CAV1: variants seen among roughly 807,000 people sequenced by gnomAD.
CAV1 encodes caveolin-1.
A neutral mutation model predicts 16.5 loss-of-function variants in CAV1; 10 were observed. That is an observed-to-expected ratio of 0.61 (90% CI 0.37 to 1.03). The LOEUF (loss-of-function observed/expected upper bound fraction) is 1.03. Ranked by LOEUF, CAV1 falls within the 50% of genes least tolerant of loss-of-function variation. The pLI is 0.01. For synonymous variants in CAV1, 76 were observed against 85.1 expected (o/e 0.89, Z 0.59); for missense variants, 212 against 232.8 (o/e 0.91, Z 0.58).
intron 2 of CAV1, among the ~76,000 whole-genome samples, chr7:116,539,694 C>T (rs1793898230): frequency 6.6e-6 from 1 of 151,952 alleles, no homozygotes; most frequent in Non-Finnish European, 1.5e-5. Context: ...GAGGAGGACA[C>T]AAATATATCC....
intron 2 of CAV1, among the ~76,000 whole-genome samples, chr7:116,554,191 A>G (rs1421507158): frequency 6.6e-6 from 1 of 152,166 alleles, no homozygotes; most frequent in African/African-American, 2.4e-5. Flanking sequence ...ACTCCCTTAA[A>G]TACAAAGACC....
In CAV1 at chr7:116,525,934, G is replaced by A. The variant is rs141775930; in HGVS notation, c.31-591G>A. 555 of 723,144 alleles carry A rather than the reference G, an allele frequency of 7.7e-4. 2 individuals are homozygous for A. The highest frequency in any genetic ancestry group is 4.9e-3 in the Middle Eastern group (7 of 1,440). The allele number at this position is 723,144 out of a possible 1,614,324, so 44.8% of individuals were successfully genotyped here. A position where few individuals can be genotyped will look rare whatever the true frequency, so the allele number is the denominator to read the frequency against. Reference sequence around the variant, plus strand: ...CGTGGAGGGACAAGAGAGGGCCGAGGCAGGGTGGGGGGCGCGGGCAGGTGC... The same window carrying A: ...CGTGGAGGGACAAGAGAGGGCCGAGACAGGGTGGGGGGCGCGGGCAGGTGC... On this transcript the variant is annotated intron_variant, in intron 1 of 2. Coordinates refer to ENST00000341049, the MANE Select transcript of CAV1 (RefSeq NM_001753.5).
intron 2 of CAV1, among the ~76,000 whole-genome samples, chr7:116,555,766 T>C (rs1241248792): frequency 6.6e-6 from 1 of 151,996 alleles, no homozygotes; most frequent in Non-Finnish European, 1.5e-5. Flanking sequence ...TGCTATGCTC[T>C]GCACCCAAGC....
At chr7:116,526,181 C>G (rs562440389) in intron 1 of CAV1, 1 of 668,526 alleles carries the variant, frequency 1.5e-6, no homozygotes, top group Non-Finnish European at 1.9e-6. Flanking sequence ...TCCTGCGGGT[C>G]CTGCGGGTCC....
At chr7:116,554,085 T>C (rs1388590704) in intron 2 of CAV1, among the ~76,000 whole-genome samples, 1 of 152,196 alleles carries the variant, frequency 6.6e-6, no homozygotes, top group Non-Finnish European at 1.5e-5. Context: ...AATTTCTCTA[T>C]CTCATATGTG....
At chr7:116,525,546 G>T (rs1217037382) in intron 1 of CAV1, 1 of 1,220,916 alleles carries the variant, frequency 8.2e-7, no homozygotes, top group Non-Finnish European at 1.0e-6. Flanking sequence ...GGCAGGTCCC[G>T]CAGGCGGCGC....
At chr7:116,528,065 A>G (rs1793605261) in intron 2 of CAV1, among the ~76,000 whole-genome samples, 1 of 152,114 alleles carries the variant, frequency 6.6e-6, no homozygotes, top group Admixed American at 6.5e-5. Context: ...GGGAGAGGAT[A>G]TTTGTGTTTT....
intron 2 of CAV1, among the ~76,000 whole-genome samples, chr7:116,536,847 C>T (rs1562831033): frequency 1.3e-5 from 2 of 150,620 alleles, no homozygotes; most frequent in African/African-American, 4.9e-5. Flanking sequence ...ACTAAAAATA[C>T]AAAAAATTAG....
rs942150048 is a variant in CAV1, at chr7:116,550,968, C to T, written c.196-7978C>T. On this transcript the variant is annotated intron_variant, in intron 2 of 2. Coordinates refer to ENST00000341049, the MANE Select transcript of CAV1 (RefSeq NM_001753.5). ...ACCAGTGTCCAGATGCCATCCAGCA[C>T]ATGAGGAGCTCCCAGAAAGGAGCAG... 7.9e-5 allele frequency among the ~76,000 whole-genome samples: 12 copies of T among 152,302 alleles called. No individual in the cohort carries two copies. In the South Asian group the frequency reaches 1.9e-3, roughly 24 times the overall value.
chr7:116,530,208 C>CTTTTTTTTTTTTTTTTTTTTTTTTT (rs3030806), intron 2 of CAV1, among the ~76,000 whole-genome samples: 21 of 125,366 alleles, frequency 1.7e-4, no homozygotes, highest in Non-Finnish European at 2.1e-4. Context: ...GTCCTTTTTC[C>CTTTTTTTTTTTTTTTTTTTTTTTTT]TTTTTTTTTT....
intron 2 of CAV1, among the ~76,000 whole-genome samples, chr7:116,555,601 AAAGAGAAAGAAAGAAAGAAGGGAGGG>A (rs1794275640): frequency 8.6e-6 from 1 of 116,942 alleles, no homozygotes; most frequent in South Asian, 3.3e-4. Context: ...AGAAAGAAAG[AAAGAGAAAGAAAGAAAGAAGGGAGGG>A]AGGGAGGGAG....
chr7:116,548,151 A>G (rs1794091445), intron 2 of CAV1, among the ~76,000 whole-genome samples: 1 of 152,172 alleles, frequency 6.6e-6, no homozygotes, highest in Non-Finnish European at 1.5e-5. Flanking sequence ...ATGAGGTGCA[A>G]ATGCCTGGAC....
At chr7:116,526,383 G>A in intron 1 of CAV1, 142 bp from the exon 2 acceptor site, 2 of 1,527,020 alleles carry the variant, frequency 1.3e-6, no homozygotes, top group Non-Finnish European at 8.7e-7. Flanking sequence ...CGTAGCTGTC[G>A]GAGCGGTTAG....
chr7:116,538,104 A>G (rs1793861934), intron 2 of CAV1, among the ~76,000 whole-genome samples: 1 of 152,236 alleles, frequency 6.6e-6, no homozygotes, highest in East Asian at 1.9e-4. Context: ...TGCACTAAAC[A>G]GCTCCTTATA....
At chr7:116,543,962 T>C (rs1045840031) in intron 2 of CAV1, among the ~76,000 whole-genome samples, 5 of 152,320 alleles carry the variant, frequency 3.3e-5, no homozygotes, top group East Asian at 1.9e-4. Flanking sequence ...CTCTGACTCA[T>C]ATAAAGTTTA....
At chr7:116,557,858 G>A (rs750373024) in intron 2 of CAV1, among the ~76,000 whole-genome samples, 4 of 151,960 alleles carry the variant, frequency 2.6e-5, no homozygotes, top group Non-Finnish European at 5.9e-5. Context: ...CTACTGCATC[G>A]ATTGTGGCTA....
intron 2 of CAV1, among the ~76,000 whole-genome samples, chr7:116,528,779 C>T (rs543174654): frequency 1.3e-5 from 2 of 152,104 alleles, no homozygotes; most frequent in South Asian, 2.1e-4. Context: ...ATAAATTTCC[C>T]TAAATTTTAC....
At chr7:116,546,695 C>CATAAAAAAAAAAAAAAAA (rs1304783899) in intron 2 of CAV1, among the ~76,000 whole-genome samples, 1 of 51,112 alleles carries the variant, frequency 2.0e-5, no homozygotes, top group Non-Finnish European at 3.5e-5. Flanking sequence ...GAGACTCTGT[C>CATAAAAAAAAAAAAAAAA]ACAAAAAAAA....
chr7:116,525,627 G>T (rs1793541111), intron 1 of CAV1: 3 of 1,128,286 alleles, frequency 2.7e-6, no homozygotes, highest in Non-Finnish European at 3.3e-6. Context: ...GCGTCTGGCA[G>T]GGGTGTTCCG....
Sources: gnomAD v4.1 joint callset for allele counts (sites outside exome capture counted in the v4.1 genomes callset) on GRCh38, gnomAD v4.1.1 for gene constraint, MANE v1.5 for transcripts, NCBI Gene and HGNC (gene_info 2026-07-23, HGNC 2026-07-21) for gene names.